The following SESTD1 variants were observed in gnomAD, a reference collection of about 807,000 sequenced individuals.
The protein encoded by SESTD1 is SEC14 domain and spectrin repeat-containing protein 1.
In SESTD1, 43 loss-of-function variants were observed where a neutral mutation model predicts 101.7. The observed-to-expected ratio is 0.42, with a 90% CI of 0.33 to 0.55. The LOEUF is 0.55. Ranked by LOEUF, SESTD1 falls within the 20% of genes least tolerant of loss-of-function variation. SESTD1 has a pLI of 0.07. For synonymous variants in SESTD1, 283 were observed against 286.8 expected (o/e 0.99, Z 0.13); for missense variants, 647 against 815.1 (o/e 0.79, Z 2.51).
intron 2 of SESTD1, among the ~76,000 whole-genome samples, chr2:179,191,291 C>G (rs2046316092): frequency 6.6e-6 from 1 of 152,086 alleles, no homozygotes; most frequent in Non-Finnish European, 1.5e-5. Context: ...ATGGATGCAG[C>G]CAGAGGCCAT....
intron 1 of SESTD1, among the ~76,000 whole-genome samples, chr2:179,196,900 C>A (rs1274275105): frequency 2.6e-5 from 4 of 152,206 alleles, no homozygotes; most frequent in African/African-American, 7.2e-5. Flanking sequence ...AAGCAGAGCG[C>A]CTCTCCTCCT....
intron 1 of SESTD1, among the ~76,000 whole-genome samples, chr2:179,239,402 T>C (rs2047116970): frequency 6.6e-6 from 1 of 152,138 alleles, no homozygotes; most frequent in Non-Finnish European, 1.5e-5. Context: ...GGTTTTTTTT[T>C]TGAATCTGCT....
At chr2:179,232,510 G>A (rs762335398) in intron 1 of SESTD1, among the ~76,000 whole-genome samples, 4 of 152,048 alleles carry the variant, frequency 2.6e-5, no homozygotes, top group African/African-American at 4.8e-5. Context: ...AGTAAGAAGC[G>A]ACAAGGGAGA....
At position 179,107,932 on chromosome 2, in the gene SESTD1, T is replaced by C. The variant is rs1407555460; in HGVS notation, c.*1967A>G. 1 of 152,140 alleles carries C rather than the reference T, an allele frequency of 6.6e-6. No individual in the cohort carries two copies. Among genetic ancestry groups the C allele is most frequent in the Non-Finnish European group, 1.5e-5 (1 of 68,016 alleles). The allele number at this position is 152,140 out of a possible 1,614,324, so 9.4% of individuals were successfully genotyped here. A position where few individuals can be genotyped will look rare whatever the true frequency, so the allele number is the denominator to read the frequency against. On this transcript the variant is annotated 3_prime_UTR_variant, in exon 18 of 18. Transcript: ENST00000428443. ...AAGATGATTCAAGTATAGAAAGAAC[T>C]TCCTGGATGTTCTCAGAAGCAGTGA...
chr2:179,171,300 GTTTTCTCAAATC>G (rs2045926053), intron 5 of SESTD1, among the ~76,000 whole-genome samples: 1 of 152,100 alleles, frequency 6.6e-6, no homozygotes, highest in East Asian at 1.9e-4. Context: ...AATAAACTAA[GTTTTCTCAAATC>G]TTTCTATCCA....
chr2:179,141,629 G>A (rs1452406542), intron 9 of SESTD1, among the ~76,000 whole-genome samples: 1 of 151,876 alleles, frequency 6.6e-6, no homozygotes, highest in Non-Finnish European at 1.5e-5. Context: ...TATTAAGTAG[G>A]TATTATTGTT....
chr2:179,191,781 T>C lies in SESTD1; in HGVS notation c.55+6A>G, dbSNP rs537352158. Reference sequence around the variant, plus strand: ...AAACACTTCAAATTTTAAGAAGAAATCATACCTGAAAGGAAGGCTAGTTTT... The same window carrying C: ...AAACACTTCAAATTTTAAGAAGAAACCATACCTGAAAGGAAGGCTAGTTTT... On this transcript the variant is annotated splice_donor_region_variant and intron_variant, in intron 2 of 17. Coordinates refer to ENST00000428443, the MANE Select transcript of SESTD1 (RefSeq NM_178123.5). The C allele has an allele frequency of 6.2e-7, 1 of 1,610,916 alleles. No homozygotes were observed. The highest frequency in any genetic ancestry group is 1.3e-5 in the African/African-American group (1 of 74,932).
At chr2:179,257,307 T>A (rs1000895754) in intron 1 of SESTD1, among the ~76,000 whole-genome samples, 1 of 152,154 alleles carries the variant, frequency 6.6e-6, no homozygotes, top group Non-Finnish European at 1.5e-5. Flanking sequence ...CTATAAACAC[T>A]AAGGTAAGAC....
intron 1 of SESTD1, among the ~76,000 whole-genome samples, chr2:179,229,682 G>A (rs1429507984): frequency 6.8e-6 from 1 of 146,768 alleles, no homozygotes; most frequent in Admixed American, 6.8e-5. Context: ...AAAAAGAAAC[G>A]AAAAAGAAAG....
chr2:179,156,105 C>CGT (rs1044816604), intron 5 of SESTD1, among the ~76,000 whole-genome samples: 17 of 147,786 alleles, frequency 1.2e-4, no homozygotes, highest in African/African-American at 4.1e-4. Flanking sequence ...TTCCATCATA[C>CGT]GTGTATATAT....
At chr2:179,155,237 C>T (rs116510582) in intron 5 of SESTD1, among the ~76,000 whole-genome samples, 2 of 151,982 alleles carry the variant, frequency 1.3e-5, no homozygotes, top group Non-Finnish European at 2.9e-5. Context: ...TTTTGGGATC[C>T]ACAGAAAGGC....
intron 1 of SESTD1, among the ~76,000 whole-genome samples, chr2:179,227,087 T>G (rs1373307025): frequency 2.0e-5 from 3 of 152,218 alleles, no homozygotes; most frequent in Non-Finnish European, 4.4e-5. Flanking sequence ...GAGGGGCACT[T>G]TATAAAGCCT....
chr2:179,121,658 T>A, intron 13 of SESTD1, 112 bp downstream of exon 13: 1 of 795,492 alleles, frequency 1.3e-6, no homozygotes, highest in Admixed American at 3.8e-5. Flanking sequence ...CTACTACATG[T>A]CTTCTATATA....
intron 1 of SESTD1, among the ~76,000 whole-genome samples, chr2:179,215,685 A>T (rs1380549793): frequency 7.5e-6 from 1 of 133,794 alleles, no homozygotes; most frequent in African/African-American, 3.0e-5. Flanking sequence ...GAGACACAAT[A>T]AAAAAAAGAG....
intron 1 of SESTD1, 79 bp from the exon 2 acceptor site, chr2:179,191,945 A>C (rs889800910): frequency 4.0e-6 from 4 of 996,558 alleles, no homozygotes; most frequent in Middle Eastern, 2.1e-4. Flanking sequence ...GGTTTATCCC[A>C]GAGTTTCTAA....
chr2:179,168,067 C>T (rs139542643), intron 5 of SESTD1, among the ~76,000 whole-genome samples: 2 of 152,214 alleles, frequency 1.3e-5, no homozygotes, highest in African/African-American at 4.8e-5. Flanking sequence ...TGAGAAAGCA[C>T]TTCTAAATAC....
In SESTD1 at chr2:179,151,181, AAAAAT is replaced by A. The variant is rs1436019766; in HGVS notation, c.483+92_483+96del. 1.2e-5 allele frequency: 10 copies of A among 812,046 alleles called. No homozygotes were observed. The African/African-American group carries it at 1.8e-4, about 15-fold the overall frequency. 50.3% of individuals were successfully genotyped at this position (812,046 alleles called of 1,614,324 possible). ...CATATTTCTCCATTTTTGTAAAAAG[AAAAAT>A]AATCTATATTTTAATAGACTAAAAT... On this transcript the variant is annotated intron_variant, in intron 6 of 17. Transcript: ENST00000428443.
intron 4 of SESTD1, among the ~76,000 whole-genome samples, chr2:179,173,599 CAG>C (rs1182152542): frequency 2.6e-5 from 4 of 152,158 alleles, no homozygotes; most frequent in Non-Finnish European, 5.9e-5. Context: ...TCTAAGATAA[CAG>C]AGTTAAAAAG....
rs1320470957 is a variant in SESTD1, at chr2:179,206,667, C to T, written c.-25-14801G>A. On this transcript the variant is annotated intron_variant, in intron 1 of 17. Transcript: ENST00000428443. Reference sequence around the variant, plus strand: ...GCAACTGAGCACAAACTTTCCTAAGCAGAATCCAGGGAGTAGGGGGCAAAT... The same window carrying T: ...GCAACTGAGCACAAACTTTCCTAAGTAGAATCCAGGGAGTAGGGGGCAAAT... 5.2e-5 allele frequency among the ~76,000 whole-genome samples: 7 copies of T among 135,024 alleles called. 2 individuals are homozygous for T. Among genetic ancestry groups the T allele is most frequent in the Admixed American group, 3.6e-4 (5 of 13,932 alleles). The allele number at this position is 135,024 out of a possible 152,430, so 88.6% of individuals were successfully genotyped here.
Sources: allele counts gnomAD v4.1 joint callset (sites outside exome capture counted in the v4.1 genomes callset), GRCh38; gene constraint gnomAD v4.1.1; transcripts MANE v1.5; gene names NCBI Gene and HGNC (gene_info 2026-07-23, HGNC 2026-07-21).